ERLIN1: variants seen among roughly 807,000 people sequenced by gnomAD.
The protein encoded by ERLIN1 is erlin-1.
In ERLIN1, 24 loss-of-function variants were observed where a neutral mutation model predicts 46.9. That is an observed-to-expected ratio of 0.51 (90% CI 0.37 to 0.72). The LOEUF is 0.72. Ranked by LOEUF, ERLIN1 falls within the 30% of genes least tolerant of loss-of-function variation. ERLIN1 has a pLI of 0.00. For missense variants in ERLIN1, 293 were observed against 417.9 expected, an observed-to-expected ratio of 0.70 and a Z score of 2.61; for synonymous variants, 158 against 143.2, an observed-to-expected ratio of 1.10 and a Z score of -0.74.
At chr10:100,182,325 G>A (rs1370720178) in intron 2 of ERLIN1, among the ~76,000 whole-genome samples, 10 of 151,864 alleles carry the variant, frequency 6.6e-5, no homozygotes, top group African/African-American at 4.8e-5. Context: ...CCACTGCGCC[G>A]GGCCTTAGAG....
At chr10:100,164,176 T>A in intron 7 of ERLIN1, 81 bp from the exon 8 acceptor site, 1 of 874,602 alleles carries the variant, frequency 1.1e-6, no homozygotes, top group Non-Finnish European at 1.8e-6. Context: ...CTACAGTGAG[T>A]CAGAGAACCG....
Position 100,185,681 on chromosome 10 carries a change from T to C in ERLIN1, c.-55A>G, listed in dbSNP as rs1005249560. 7.1e-7 allele frequency: 1 copy of C among 1,402,790 alleles called. No individual in the cohort carries two copies. 86.9% of individuals were successfully genotyped at this position (1,402,790 alleles called of 1,614,324 possible). A position where few individuals can be genotyped will look rare whatever the true frequency, so the allele number is the denominator to read the frequency against. On this transcript the variant is annotated 5_prime_UTR_variant, in exon 1 of 11. Transcript: ENST00000421367. ...GACCCTCAGTCCCGTGAGTGACAGG[T>C]CCACCCCCTCCAGTTTCTACCCTCT...
At chr10:100,182,327 G>A in intron 2 of ERLIN1, among the ~76,000 whole-genome samples, 1 of 152,004 alleles carries the variant, frequency 6.6e-6, no homozygotes, top group East Asian at 1.9e-4. Flanking sequence ...ACTGCGCCGG[G>A]CCTTAGAGTC....
intron 9 of ERLIN1, among the ~76,000 whole-genome samples, chr10:100,155,805 C>T (rs1343103325): frequency 1.3e-5 from 2 of 152,134 alleles, no homozygotes; most frequent in African/African-American, 4.8e-5. Context: ...TGAGCCACGG[C>T]GCCCGGCCAG....
At chr10:100,167,458 A>G in intron 6 of ERLIN1, 52 bp from the exon 7 acceptor site, 3 of 1,441,764 alleles carry the variant, frequency 2.1e-6, no homozygotes, top group South Asian at 1.2e-5. Context: ...TAAATCTTCA[A>G]ATTAAATCTT....
In ERLIN1 at chr10:100,185,382, C is replaced by G. The variant is rs1025742115; in HGVS notation, c.113+132G>C. 5 of 669,320 alleles carry G rather than the reference C, an allele frequency of 7.5e-6. No homozygotes were observed. The African/African-American group carries it at 9.1e-5, about 12-fold the overall frequency. 41.5% of individuals were successfully genotyped at this position (669,320 alleles called of 1,614,324 possible). A position where few individuals can be genotyped will look rare whatever the true frequency, so the allele number is the denominator to read the frequency against. ...GAGGGTGCTCCGCAAAAGCCCGCTT[C>G]GACCCCCGTGCTCTCCCTAGAGATG... On this transcript the variant is annotated intron_variant, in intron 1 of 10. Coordinates refer to ENST00000421367, the MANE Select transcript of ERLIN1 (RefSeq NM_006459.4).
In ERLIN1 at chr10:100,178,134, T is replaced by C; in HGVS notation, c.303A>G (p.Ala101=). ...IEVVNMLAPY[A]VFDIVRNYTA... is the part of the protein sequence containing the mutation. ...ACCACAGGTAGATGGGTAACATACC[T>C]GCATAAGGAGCCAACATATTAACCA... is the stretch of plus-strand genomic sequence containing the variant. The change falls in exon 4 of 11, where the codon GCA becomes GCG. Residue 101 remains alanine, a splice_region_variant and synonymous_variant. Transcript: ENST00000421367. 6.4e-7 allele frequency: 1 copy of C among 1,570,260 alleles called. No individual in the cohort carries two copies. The highest frequency in any genetic ancestry group is 8.7e-7 in the Non-Finnish European group (1 of 1,152,896).
intron 8 of ERLIN1, among the ~76,000 whole-genome samples, chr10:100,162,973 G>C (rs1326109266): frequency 6.6e-6 from 1 of 151,978 alleles, no homozygotes; most frequent in South Asian, 2.1e-4. Flanking sequence ...GGAAAAACTA[G>C]AAACTACCTA....
At position 100,171,923 on chromosome 10, in the gene ERLIN1, T is replaced by C. The variant is rs1313373632; in HGVS notation, c.504+2285A>G. On this transcript the variant is annotated intron_variant, in intron 6 of 10. Transcript: ENST00000421367. ...ATTTGGGTACAATCATGCAATCAAA[T>C]GTGTAAGAACTACAGCTTACCAACA... 2.0e-5 allele frequency among the ~76,000 whole-genome samples: 3 copies of C among 152,164 alleles called. No homozygotes were observed. In the East Asian group the frequency reaches 5.8e-4, roughly 29 times the overall value.
intron 8 of ERLIN1, among the ~76,000 whole-genome samples, chr10:100,162,980 C>A (rs919626420): frequency 2.0e-5 from 3 of 152,060 alleles, no homozygotes; most frequent in African/African-American, 4.8e-5. Flanking sequence ...CTAGAAACTA[C>A]CTAACTCCTC....
chr10:100,169,371 C>A (rs1195555668), intron 6 of ERLIN1, among the ~76,000 whole-genome samples: 1 of 151,236 alleles, frequency 6.6e-6, no homozygotes, highest in Non-Finnish European at 1.5e-5. Flanking sequence ...TATTATATAT[C>A]AAAAGCCAGT....
intron 5 of ERLIN1, 120 bp from the exon 6 acceptor site, chr10:100,174,401 A>G (rs1034321629): frequency 3.3e-5 from 24 of 726,320 alleles, no homozygotes; most frequent in Non-Finnish European, 5.6e-5. Context: ...ATTCTTTTAC[A>G]GAGCTTAAAC....
intron 10 of ERLIN1, among the ~76,000 whole-genome samples, chr10:100,154,129 A>G (rs1842945219): frequency 6.6e-6 from 1 of 152,174 alleles, no homozygotes; most frequent in Admixed American, 6.5e-5. Flanking sequence ...AATCTTGGAC[A>G]TACCCTTCCC....
In ERLIN1 at chr10:100,154,840, G is replaced by A. The variant is rs1263157930; in HGVS notation, c.825+20C>T. 4 of 1,603,938 alleles carry A rather than the reference G, an allele frequency of 2.5e-6. No homozygotes were observed. The highest frequency in any genetic ancestry group is 2.6e-6 in the Non-Finnish European group (3 of 1,171,226). On this transcript the variant is annotated intron_variant, in intron 10 of 10. Coordinates refer to ENST00000421367, the MANE Select transcript of ERLIN1 (RefSeq NM_006459.4). ...AACCCCGAAATGCATCATTAGGAAA[G>A]TGGCCAGGGAGCCAGTCACCTTGTT... is the stretch of plus-strand genomic sequence containing the variant.
chr10:100,156,625 G>A (rs1055893573), intron 8 of ERLIN1, among the ~76,000 whole-genome samples: 2 of 152,198 alleles, frequency 1.3e-5, no homozygotes, highest in African/African-American at 4.8e-5. Context: ...AAGAAAGAAT[G>A]AGTGACATAA....
At chr10:100,175,116 C>T (rs545552061) in intron 5 of ERLIN1, among the ~76,000 whole-genome samples, 2 of 152,188 alleles carry the variant, frequency 1.3e-5, no homozygotes, top group South Asian at 4.1e-4. Flanking sequence ...GTCAGAACTT[C>T]CACTATCATA....
At position 100,185,495 on chromosome 10, in the gene ERLIN1, G is replaced by A; in HGVS notation, c.113+19C>T. ...TTTAATCTGCTCTAGAGCCCTAACT[G>A]ACTGCACATGCCGCTCACCTGTAGT... On this transcript the variant is annotated intron_variant, in intron 1 of 10. Transcript: ENST00000421367. 1 of 1,570,646 alleles carries A rather than the reference G, an allele frequency of 6.4e-7. No individual in the cohort carries two copies.
At position 100,151,469 on chromosome 10, in the gene ERLIN1, A is replaced by AC. The variant is rs1388796869; in HGVS notation, c.*661dup. On this transcript the variant is annotated 3_prime_UTR_variant, in exon 11 of 11. Transcript: ENST00000421367. Reference sequence around the variant, plus strand: ...CCTCTGTATCTCTGAGTTTATGAATACAAGAAACTAGTGATTAGGAATCTC... The same window carrying AC: ...CCTCTGTATCTCTGAGTTTATGAATACCAAGAAACTAGTGATTAGGAATCTC... 1.3e-5 allele frequency: 2 copies of AC among 157,438 alleles called. No homozygotes were observed. Among genetic ancestry groups the AC allele is most frequent in the Non-Finnish European group, 2.8e-5 (2 of 70,802 alleles). The allele number at this position is 157,438 out of a possible 1,614,324, so 9.8% of individuals were successfully genotyped here.
At chr10:100,153,693 T>C (rs1451646117) in intron 10 of ERLIN1, among the ~76,000 whole-genome samples, 2 of 152,240 alleles carry the variant, frequency 1.3e-5, no homozygotes, top group Admixed American at 6.5e-5. Context: ...TATAGGTTAG[T>C]ATCTGAGTCA....
Sources: gnomAD v4.1 joint callset for allele counts (sites outside exome capture counted in the v4.1 genomes callset) on GRCh38, gnomAD v4.1.1 for gene constraint, MANE v1.5 for transcripts, NCBI Gene and HGNC (gene_info 2026-07-23, HGNC 2026-07-21) for gene names.